Variants in UBXN6 observed in about 807,000 individuals in gnomAD.
UBXN6 encodes the protein UBX domain-containing protein 6.
In UBXN6, 44 loss-of-function variants were observed where a neutral mutation model predicts 51.4. The ratio of observed to expected loss-of-function variants is 0.86; its 90% CI spans 0.67 to 1.10. The LOEUF (loss-of-function observed/expected upper bound fraction) is 1.10, where lower values mean the gene tolerates loss of function less well. Ranked by LOEUF, UBXN6 falls within the 50% of genes least tolerant of loss-of-function variation. The pLI is 0.00. For missense variants in UBXN6, 672 were observed against 596.1 expected, an observed-to-expected ratio of 1.13 and a Z score of -1.32; for synonymous variants, 316 against 263.2, an observed-to-expected ratio of 1.20 and a Z score of -1.94.
At chr19:4,451,768 G>A (rs1465788722) in intron 4 of UBXN6, among the ~76,000 whole-genome samples, 1 of 151,950 alleles carries the variant, frequency 6.6e-6, no homozygotes, top group East Asian at 2.0e-4. Context: ...CTCCCGAGTA[G>A]CTGGGATTAC....
chr19:4,457,371 C>T, intron 1 of UBXN6, among the ~76,000 whole-genome samples: 1 of 132,856 alleles, frequency 7.5e-6, no homozygotes, highest in Non-Finnish European at 1.6e-5. Flanking sequence ...CTCGCCTCCC[C>T]CGCCGCGCCC....
intron 4 of UBXN6, chr19:4,450,467 T>C (rs904916989): frequency 1.3e-5 from 2 of 151,560 alleles, no homozygotes; most frequent in Non-Finnish European, 2.9e-5. Flanking sequence ...GCCTAATATG[T>C]AAAGAGTGCT....
intron 5 of UBXN6, 67 bp downstream of exon 5, chr19:4,448,251 G>T: frequency 3.6e-6 from 5 of 1,397,048 alleles, no homozygotes; most frequent in East Asian, 2.5e-5. Flanking sequence ...GGGGGTGACA[G>T]CCCCAGTGGG....
chr19:4,454,605 CAG>C (rs533850408), intron 1 of UBXN6, among the ~76,000 whole-genome samples: 96 of 152,262 alleles, frequency 6.3e-4, no homozygotes, highest in Non-Finnish European at 1.1e-3. Context: ...TCTATCGAGA[CAG>C]GGTCTCGCTA....
In UBXN6 at chr19:4,453,451, T is replaced by C; in HGVS notation, c.312+7A>G. On this transcript the variant is annotated splice_region_variant and intron_variant, in intron 3 of 10. Transcript: ENST00000301281. ...CATGGGACAGTGCCACCAGTGGCTG[T>C]TCTTACCACGTTGGTCCCTGGGGCC... 1.2e-6 allele frequency: 2 copies of C among 1,612,268 alleles called. No individual in the cohort carries two copies. The highest frequency in any genetic ancestry group is 3.3e-4 in the Middle Eastern group (2 of 6,054).
At chr19:4,455,924 A>G (rs1974733789) in intron 1 of UBXN6, among the ~76,000 whole-genome samples, 1 of 152,022 alleles carries the variant, frequency 6.6e-6, no homozygotes. Context: ...TCATCGCCTG[A>G]GCGCTCATCC....
intron 3 of UBXN6, 104 bp from the exon 4 acceptor site, chr19:4,452,596 A>C (rs1974673280): frequency 1.3e-5 from 19 of 1,428,728 alleles, no homozygotes; most frequent in South Asian, 4.3e-5. Flanking sequence ...AGACATCTCC[A>C]GCCCCCATGC....
intron 6 of UBXN6, 114 bp downstream of exon 6, chr19:4,447,436 A>G (rs776516740): frequency 8.1e-5 from 95 of 1,171,994 alleles, no homozygotes; most frequent in Non-Finnish European, 1.1e-4. Context: ...TTGTGGCTCA[A>G]CTCTCGCTAG....
chr19:4,446,175 C>G lies in UBXN6; in HGVS notation c.1074G>C (p.Arg358=). The change falls in exon 10 of 11, where the codon CGG becomes CGC. Residue 358 remains arginine (R), a synonymous_variant. Transcript: ENST00000301281. The part of the protein sequence containing the change: ...LLQGTFYARE[R]LGAVYGFVRE... ...GGACGAACCCGTACACCGCCCCCAG[C>G]CGCTCCCGAGCGTAGAAAGTGCCTG... 1.2e-6 allele frequency: 2 copies of G among 1,608,428 alleles called. No homozygotes were observed. The highest frequency in any genetic ancestry group is 2.2e-5 in the South Asian group (2 of 90,854).
chr19:4,457,682 G>T lies in UBXN6; in HGVS notation c.16C>A (p.Gln6Lys), dbSNP rs1448209650. ...AACTTGATGTCGGCCTTGAACTCCT[G>T]AAAGAATTTCTTCATGGTGGCGGCT... Reference protein sequence around the residue: MKKFFQEFKADIKFKS... With the variant: MKKFFKEFKADIKFKS... Residue 6 changes from glutamine to lysine, a missense_variant, in exon 1 of 11, where the codon CAG becomes AAG. Physicochemically the swap from Gln to Lys is moderately conservative, Grantham distance 53 (BLOSUM62 1). Transcript: ENST00000301281. 1.9e-6 allele frequency: 3 copies of T among 1,585,720 alleles called. No homozygotes were observed. The highest frequency in any genetic ancestry group is 2.4e-5 in the East Asian group (1 of 42,390).
At chr19:4,454,285 G>A (rs556774965) in intron 1 of UBXN6, among the ~76,000 whole-genome samples, 192 bp from the exon 2 acceptor site, 1 of 152,330 alleles carries the variant, frequency 6.6e-6, no homozygotes, top group African/African-American at 2.4e-5. Context: ...AGGCGGAAGA[G>A]CCCCTGGAGG....
At chr19:4,445,657 A>C in intron 10 of UBXN6, 34 bp from the exon 11 acceptor site, 1 of 1,595,284 alleles carries the variant, frequency 6.3e-7, no homozygotes, top group Non-Finnish European at 8.6e-7. Flanking sequence ...TCTGAGACCG[A>C]GAGTCGGCCC....
intron 10 of UBXN6, 50 bp from the exon 11 acceptor site, chr19:4,445,673 G>A (rs369377758): frequency 3.6e-5 from 57 of 1,586,986 alleles, no homozygotes; most frequent in East Asian, 1.4e-4. Flanking sequence ...GGCCCTTGCC[G>A]CGGCAGGGAA....
chr19:4,447,684 G>A, intron 5 of UBXN6, 59 bp from the exon 6 acceptor site: 1 of 1,559,176 alleles, frequency 6.4e-7, no homozygotes, highest in South Asian at 1.1e-5. Context: ...CGGCCCCTCT[G>A]TGCCTCCTGC....
At chr19:4,453,829 A>AC in intron 2 of UBXN6, 101 bp downstream of exon 2, 1 of 1,501,402 alleles carries the variant, frequency 6.7e-7, no homozygotes, top group Non-Finnish European at 8.9e-7. Context: ...TGACCCTCAC[A>AC]CCCCCACGGT....
chr19:4,446,317 C>A lies in UBXN6; in HGVS notation c.1017G>T (p.Leu339=). The change falls in exon 9 of 11, where the codon CTG becomes CTT. Residue 339 remains leucine, a synonymous_variant. Transcript: ENST00000301281. ...RGLRKYNYTL[L]RVRLPDGCLL... ...GGCAGCCATCGGGGAGGCGCACGCG[C>A]AGCAGCGTGTAGTTGTACTTGCGCA... 1 of 1,574,162 alleles carries A rather than the reference C, an allele frequency of 6.4e-7. No individual in the cohort carries two copies. The highest frequency in any genetic ancestry group is 8.6e-7 in the Non-Finnish European group (1 of 1,165,740).
At chr19:4,455,351 C>T in intron 1 of UBXN6, 1 of 951,162 alleles carries the variant, frequency 1.1e-6, no homozygotes, top group Non-Finnish European at 1.3e-6. Flanking sequence ...CCACCCCTGC[C>T]TATCTAGTCC....
At chr19:4,455,179 C>T (rs916269286) in intron 1 of UBXN6, 1 of 983,416 alleles carries the variant, frequency 1.0e-6, no homozygotes, top group African/African-American at 1.7e-5. Context: ...TCGGACGCGT[C>T]TGTCTCACCC....
intron 4 of UBXN6, among the ~76,000 whole-genome samples, chr19:4,451,666 T>C (rs1974655856): frequency 6.6e-6 from 1 of 151,998 alleles, no homozygotes; most frequent in Non-Finnish European, 1.5e-5. Context: ...AGATGGAGTT[T>C]TGCTCTTGTT....
Sources: allele counts gnomAD v4.1 joint callset (sites outside exome capture counted in the v4.1 genomes callset), GRCh38; gene constraint gnomAD v4.1.1; transcripts MANE v1.5; gene names NCBI Gene and HGNC (gene_info 2026-07-23, HGNC 2026-07-21).